LSM2: variants seen among roughly 807,000 people sequenced by gnomAD.
The protein encoded by LSM2 is U6 snRNA-associated Sm-like protein LSm2.
A neutral mutation model predicts 17.0 loss-of-function variants in LSM2; 12 were observed. The observed-to-expected ratio is 0.70, with a 90% confidence interval of 0.45 to 1.14. The LOEUF is 1.14. LSM2 is among the 50% of genes most tolerant of loss of function. The probability of loss-of-function intolerance (pLI) is 0.00; values close to 1 mark genes in which losing one functional copy is unlikely to be tolerated. For synonymous variants in LSM2, 42 were observed against 44.5 expected, an observed-to-expected ratio of 0.94 and a Z score of 0.22; for missense variants, 62 against 111.8, an observed-to-expected ratio of 0.55 and a Z score of 2.01.
At chr6:31,798,928 G>A (rs1459264673) in intron 2 of LSM2, among the ~76,000 whole-genome samples, 1 of 151,770 alleles carries the variant, frequency 6.6e-6, no homozygotes, top group Non-Finnish European at 1.5e-5. Flanking sequence ...TAGAGATGGG[G>A]TTTCACCATG....
At chr6:31,798,545 T>C in intron 2 of LSM2, 38 bp from the exon 3 acceptor site, 8 of 1,610,760 alleles carry the variant, frequency 5.0e-6, no homozygotes, top group Non-Finnish European at 6.8e-6. Context: ...CAAATTAGTT[T>C]ATAACAAAGT....
chr6:31,803,673 C>T (rs927715073), intron 2 of LSM2, among the ~76,000 whole-genome samples: 2 of 151,984 alleles, frequency 1.3e-5, no homozygotes, highest in East Asian at 1.9e-4. Context: ...GTCCGCCTCC[C>T]GGGTTCATGT....
rs529010083 is a variant in LSM2, at chr6:31,800,614, G to A, written c.72-2107C>T. ...CTAAAAATACAAAAATTGGCCGGGC[G>A]TGGTGGCTCACGCCTATAATCTCAG... On this transcript the variant is annotated intron_variant, in intron 2 of 4. Transcript: ENST00000375661. Among the ~76,000 whole-genome samples the A allele has an allele frequency of 3.3e-5, 5 of 151,930 alleles. No homozygotes were observed. The South Asian group carries it at 6.2e-4, about 19-fold the overall frequency.
intron 2 of LSM2, among the ~76,000 whole-genome samples, chr6:31,805,849 G>A (rs1449640794): frequency 6.6e-6 from 1 of 151,900 alleles, no homozygotes; most frequent in Non-Finnish European, 1.5e-5. Context: ...AGAGTGCAAT[G>A]GAGTAATCAC....
intron 1 of LSM2, chr6:31,806,425 CCT>C: frequency 1.7e-6 from 1 of 599,962 alleles, no homozygotes; most frequent in Non-Finnish European, 3.0e-6. Flanking sequence ...TTCTCGGGTA[CCT>C]GCCCACTCCT....
At chr6:31,804,498 T>C (rs1032056596) in intron 2 of LSM2, among the ~76,000 whole-genome samples, 2 of 152,212 alleles carry the variant, frequency 1.3e-5, no homozygotes, top group African/African-American at 2.4e-5. Context: ...ATAGTATATA[T>C]TACTTAGCAG....
In LSM2 at chr6:31,797,847, C is replaced by T; in HGVS notation, c.198G>A (p.Val66=). The T allele has an allele frequency of 2.5e-6, 4 of 1,612,988 alleles. No individual in the cohort carries two copies. The highest frequency in any genetic ancestry group is 3.4e-6 in the Non-Finnish European group (4 of 1,180,032). The change falls in exon 5 of 5, where the codon GTG becomes GTA. Residue 66 remains valine (V), a synonymous_variant. Coordinates refer to ENST00000375661, the MANE Select transcript of LSM2 (RefSeq NM_021177.5). ...SVKNCFIRGS[V]VRYVQLPADE... ...CTGCTGGCAGCTGCACGTATCGGAC[C>T]ACTGAGCCCCGAATGAAGCAGTTCT...
chr6:31,805,279 C>T (rs909105705), intron 2 of LSM2, among the ~76,000 whole-genome samples: 5 of 151,610 alleles, frequency 3.3e-5, no homozygotes, highest in Non-Finnish European at 5.9e-5. Context: ...AGACTAGTCT[C>T]GACATCCTGG....
rs185432341 is a variant in LSM2, at chr6:31,806,752, C to A, written c.3+3G>T. On this transcript the variant is annotated splice_donor_region_variant and intron_variant, in intron 1 of 4. Coordinates refer to ENST00000375661, the MANE Select transcript of LSM2 (RefSeq NM_021177.5). Reference sequence around the variant, plus strand: ...CGCCCCCTTTTGACGTCACGGTACCCACCATGGTGCTGGCGCCGCGGGCAG... The same window carrying A: ...CGCCCCCTTTTGACGTCACGGTACCAACCATGGTGCTGGCGCCGCGGGCAG... The A allele has an allele frequency of 1.9e-6, 3 of 1,610,202 alleles. No homozygotes were observed. The highest frequency in any genetic ancestry group is 1.1e-5 in the South Asian group (1 of 90,702).
At chr6:31,804,464 TCA>T (rs1462267048) in intron 2 of LSM2, among the ~76,000 whole-genome samples, 1 of 152,156 alleles carries the variant, frequency 6.6e-6, no homozygotes, top group Non-Finnish European at 1.5e-5. Flanking sequence ...GATCTAAGCC[TCA>T]GTTTCCTCGT....
chr6:31,800,812 G>A (rs1395124030), intron 2 of LSM2, among the ~76,000 whole-genome samples: 1 of 151,726 alleles, frequency 6.6e-6, no homozygotes, highest in Non-Finnish European at 1.5e-5. Context: ...GCGTGAACTG[G>A]GAGGCAGAGC....
intron 2 of LSM2, among the ~76,000 whole-genome samples, chr6:31,799,915 T>C (rs1025943888): frequency 1.3e-5 from 2 of 152,168 alleles, no homozygotes; most frequent in African/African-American, 2.4e-5. Flanking sequence ...AGCCTTTGGC[T>C]GGGAATGGTT....
At chr6:31,806,646 A>G in intron 1 of LSM2, 109 bp downstream of exon 1, 1 of 1,353,350 alleles carries the variant, frequency 7.4e-7, no homozygotes, top group Non-Finnish European at 1.0e-6. Flanking sequence ...CTAAAGATGA[A>G]GATAAAAACT....
At chr6:31,800,445 T>C (rs1428451821) in intron 2 of LSM2, among the ~76,000 whole-genome samples, 4 of 152,198 alleles carry the variant, frequency 2.6e-5, no homozygotes, top group Non-Finnish European at 5.9e-5. Flanking sequence ...TGTAAAATTC[T>C]GAAAGTCTTT....
chr6:31,799,393 G>A (rs183400210), intron 2 of LSM2, among the ~76,000 whole-genome samples: 101 of 152,066 alleles, frequency 6.6e-4, no homozygotes, highest in Non-Finnish European at 9.6e-4. Context: ...GTCTCGCTCT[G>A]TCGGCCAGTC....
intron 2 of LSM2, among the ~76,000 whole-genome samples, chr6:31,803,666 C>T (rs1392216366): frequency 2.0e-5 from 3 of 151,764 alleles, no homozygotes; most frequent in Non-Finnish European, 1.5e-5. Context: ...CTACAACGTC[C>T]GCCTCCCGGG....
intron 3 of LSM2, 123 bp downstream of exon 3, chr6:31,798,354 G>A: frequency 8.5e-7 from 1 of 1,180,900 alleles, no homozygotes; most frequent in Non-Finnish European, 1.2e-6. Context: ...TTACAGGCGT[G>A]AGCCACCGTG....
In LSM2 at chr6:31,797,872, T is replaced by G; in HGVS notation, c.173A>C (p.Lys58Thr). 6.2e-7 allele frequency: 1 copy of G among 1,613,000 alleles called. No individual in the cohort carries two copies. Among genetic ancestry groups the G allele is most frequent in the Non-Finnish European group, 8.5e-7 (1 of 1,180,024 alleles). ...CACTGAGCCCCGAATGAAGCAGTTC[T>G]TCACTGATAACTAGACAAAGATGGA... ...PEKYPHMLSVKNCFIRGSVVR... is the reference protein window; with the variant it reads ...PEKYPHMLSVTNCFIRGSVVR... Residue 58 changes from lysine to threonine, a missense_variant, in exon 5 of 5, where the codon AAG (lysine) becomes ACG (threonine). By Grantham distance (78) the Lys-to-Thr change is moderately conservative (BLOSUM62 -1). Coordinates refer to ENST00000375661, the MANE Select transcript of LSM2 (RefSeq NM_021177.5).
intron 2 of LSM2, among the ~76,000 whole-genome samples, chr6:31,801,994 T>C (rs1814738708): frequency 6.6e-6 from 1 of 150,916 alleles, no homozygotes; most frequent in Non-Finnish European, 1.5e-5. Flanking sequence ...AAAAATAATA[T>C]AAAAAGGCCG....
Sources: gnomAD v4.1 joint callset for allele counts (sites outside exome capture counted in the v4.1 genomes callset) on GRCh38, gnomAD v4.1.1 for gene constraint, MANE v1.5 for transcripts, NCBI Gene and HGNC (gene_info 2026-07-23, HGNC 2026-07-21) for gene names.